HESX1: variants seen among roughly 807,000 people sequenced by gnomAD.
HESX1 encodes the protein HESX homeobox 1, also known as homeobox expressed in ES cells 1.
A neutral mutation model predicts 22.5 loss-of-function variants in HESX1; 11 were observed. The ratio of observed to expected loss-of-function variants is 0.49; its 90% CI spans 0.31 to 0.81. The LOEUF (loss-of-function observed/expected upper bound fraction) is 0.81, where lower values mean the gene tolerates loss of function less well. Ranked by LOEUF, HESX1 falls within the 30% of genes least tolerant of loss-of-function variation. The probability of loss-of-function intolerance (pLI) is 0.05; values close to 1 mark genes in which losing one functional copy is unlikely to be tolerated. For missense variants in HESX1, 201 were observed against 212.6 expected (o/e 0.95, Z 0.34); for synonymous variants, 74 against 76.5 (o/e 0.97, Z 0.17).
At chr3:57,224,837 A>G (rs1434832375) in intron 1 of HESX1, among the ~76,000 whole-genome samples, 5 of 152,230 alleles carry the variant, frequency 3.3e-5, no homozygotes, top group African/African-American at 9.6e-5. Context: ...TAACAACTCT[A>G]TTTACAAGAC....
upstream of HESX1, among the ~76,000 whole-genome samples, chr3:57,227,585 G>C (rs1303220974): frequency 6.6e-6 from 1 of 152,188 alleles, no homozygotes; most frequent in African/African-American, 2.4e-5. Context: ...TGCCACCTCC[G>C]CCGCTTCCGA....
intron 1 of HESX1, among the ~76,000 whole-genome samples, chr3:57,215,977 T>C (rs1275911061): frequency 6.6e-6 from 1 of 152,172 alleles, no homozygotes; most frequent in African/African-American, 2.4e-5. Flanking sequence ...CTCCAACCAT[T>C]TGAGTAGTTG....
intron 1 of HESX1, among the ~76,000 whole-genome samples, chr3:57,210,496 C>G (rs1318104509): frequency 6.6e-6 from 1 of 152,140 alleles, no homozygotes; most frequent in Non-Finnish European, 1.5e-5. Flanking sequence ...TCCAGTGAAC[C>G]TTGCCCCTTC....
chr3:57,204,131 G>A (rs527657758), upstream of HESX1, among the ~76,000 whole-genome samples: 1 of 152,104 alleles, frequency 6.6e-6, no homozygotes, highest in South Asian at 2.1e-4. Context: ...CTGCAGTTTT[G>A]TGAGAAACAT....
At chr3:57,202,247 A>G (rs1334566900), upstream of HESX1, among the ~76,000 whole-genome samples, 2 of 152,056 alleles carry the variant, frequency 1.3e-5, no homozygotes, top group Non-Finnish European at 2.9e-5. Context: ...TTATATATGG[A>G]TGAGTAGTTG....
At chr3:57,203,188 A>G (rs2060499937), upstream of HESX1, among the ~76,000 whole-genome samples, 2 of 152,106 alleles carry the variant, frequency 1.3e-5, no homozygotes, top group Non-Finnish European at 1.5e-5. Context: ...AACCAGGGAG[A>G]TCAGTTGGGG....
intron 1 of HESX1, among the ~76,000 whole-genome samples, chr3:57,216,547 G>C (rs764296170): frequency 6.6e-6 from 1 of 152,196 alleles, no homozygotes; most frequent in Non-Finnish European, 1.5e-5. Context: ...AGGAGGTCGA[G>C]GCTGCAGTGA....
intron 1 of HESX1, among the ~76,000 whole-genome samples, chr3:57,211,550 A>AAAAAAAAAAAAAAAAAAAAC (rs1559500552): frequency 6.8e-6 from 1 of 147,366 alleles, no homozygotes; most frequent in African/African-American, 2.5e-5. Flanking sequence ...AAAAAAAAAA[A>AAAAAAAAAAAAAAAAAAAAC]AGCCAGGCAT....
At chr3:57,214,342 C>T (rs1169445538) in intron 1 of HESX1, among the ~76,000 whole-genome samples, 2 of 152,114 alleles carry the variant, frequency 1.3e-5, no homozygotes, top group African/African-American at 4.8e-5. Context: ...CCAGTATGTA[C>T]ATACACAATT....
In HESX1 at chr3:57,198,801, C is replaced by G. The variant is rs544122726; in HGVS notation, c.309G>C (p.Leu103Phe). Residue 103 changes from leucine (L) to phenylalanine (F), a missense_variant, in exon 2 of 4, where the codon TTG (leucine) becomes TTC (phenylalanine). By Grantham distance (22) the Leu-to-Phe change is conservative. Transcript: ENST00000295934. ...TTGGTCTTCGGCCTCTATACCAACT[C>G]AACTCTCTTTTCAAAGACAGTCTTT... ...ASERLSLKRE[L>F]SWYRGRRPRT... 28 of 1,614,140 alleles carry G rather than the reference C, an allele frequency of 1.7e-5. No homozygotes were observed. Among genetic ancestry groups the G allele is most frequent in the Middle Eastern group, 3.3e-4 (2 of 6,062 alleles).
intron 1 of HESX1, among the ~76,000 whole-genome samples, chr3:57,207,999 A>G (rs986211095): frequency 2.6e-5 from 4 of 152,196 alleles, no homozygotes; most frequent in African/African-American, 9.6e-5. Context: ...CAGGTTTACT[A>G]GTCAATGTGT....
chr3:57,210,973 C>G (rs1260252161), intron 1 of HESX1, among the ~76,000 whole-genome samples: 2 of 152,132 alleles, frequency 1.3e-5, no homozygotes, highest in Non-Finnish European at 2.9e-5. Flanking sequence ...AATCTCAGCA[C>G]TTTGGGAGGC....
chr3:57,213,709 G>A lies in HESX1; in HGVS notation c.-111+12587C>T, dbSNP rs535370195. On this transcript the variant is annotated intron_variant, in intron 1 of 2. Coordinates refer to the HESX1 transcript ENST00000495160. ...TGGGAGGTCGAGGCAGGCGGATCGC[G>A]AGGTCAGGAGTTCAAGACCATCCTG... Among the ~76,000 whole-genome samples the A allele has an allele frequency of 4.6e-5, 7 of 152,224 alleles. 1 individual carries two copies. The South Asian group carries it at 1.5e-3, about 32-fold the overall frequency.
At chr3:57,199,634 A>T (rs960424969) in intron 1 of HESX1, 128 bp downstream of exon 1, 266 of 530,846 alleles carry the variant, frequency 5.0e-4, no homozygotes, top group Non-Finnish European at 6.8e-4. Context: ...AAAAAAAAAA[A>T]ATAATAAATA....
rs147965116 is a variant in HESX1 at position 57,209,417 on chromosome 3, G to A, written c.-110-9389C>T. ...TCCCAGCACTGTGGGATGTGGAGGC[G>A]GGGTGGATCATCTGAAGTTCGAGAC... On this transcript the variant is annotated intron_variant, in intron 1 of 2. Transcript: ENST00000495160. Among the ~76,000 whole-genome samples the A allele has an allele frequency of 7.9e-5, 12 of 152,098 alleles. No homozygotes were observed. The East Asian group carries it at 1.2e-3, about 15-fold the overall frequency.
At chr3:57,204,456 T>G (rs1412322206), upstream of HESX1, among the ~76,000 whole-genome samples, 2 of 152,204 alleles carry the variant, frequency 1.3e-5, no homozygotes, top group Non-Finnish European at 2.9e-5. Context: ...ATGACTAGGT[T>G]TTTTGGCTTG....
At chr3:57,218,224 A>G (rs886181995) in intron 1 of HESX1, among the ~76,000 whole-genome samples, 2 of 152,030 alleles carry the variant, frequency 1.3e-5, no homozygotes, top group Middle Eastern at 3.4e-3. Context: ...CTAGCACCCA[A>G]TAGTTATTTT....
upstream of HESX1, chr3:57,200,002 C>T: frequency 4.3e-6 from 5 of 1,163,114 alleles, no homozygotes; most frequent in South Asian, 6.1e-5. Flanking sequence ...TCCTGCAGTT[C>T]ACCTTATAGC....
intron 1 of HESX1, among the ~76,000 whole-genome samples, chr3:57,212,208 G>A (rs1306018505): frequency 6.6e-6 from 1 of 152,028 alleles, no homozygotes; most frequent in Non-Finnish European, 1.5e-5. Context: ...TCAAGCCCTT[G>A]ATTTAAAAAA....
Sources: gnomAD v4.1 joint callset for allele counts (sites outside exome capture counted in the v4.1 genomes callset) on GRCh38, gnomAD v4.1.1 for gene constraint, MANE v1.5 for transcripts, NCBI Gene and HGNC (gene_info 2026-07-23, HGNC 2026-07-21) for gene names.